MTRF1: variants seen among roughly 807,000 people sequenced by gnomAD.
MTRF1 encodes peptide chain release factor 1, mitochondrial.
A neutral mutation model predicts 62.9 loss-of-function variants in MTRF1; 51 were observed. The ratio of observed to expected loss-of-function variants is 0.81; its 90% CI spans 0.65 to 1.02. The LOEUF (loss-of-function observed/expected upper bound fraction) is 1.02. MTRF1 is among the 50% of genes least tolerant of loss of function. The pLI, the probability that MTRF1 is intolerant of heterozygous loss-of-function variation, is 0.00. For synonymous variants in MTRF1, 158 were observed against 181.9 expected, an observed-to-expected ratio of 0.87 and a Z score of 1.06; for missense variants, 446 against 530.0, an observed-to-expected ratio of 0.84 and a Z score of 1.56.
intron 8 of MTRF1, among the ~76,000 whole-genome samples, chr13:41,224,441 T>A (rs1484877755): frequency 6.6e-6 from 1 of 152,248 alleles, no homozygotes; most frequent in Admixed American, 6.5e-5. Context: ...AGGCAAGTGA[T>A]ATGAAACTAA....
At chr13:41,263,064 C>T (rs1211898170) in intron 1 of MTRF1, among the ~76,000 whole-genome samples, 2 of 152,150 alleles carry the variant, frequency 1.3e-5, no homozygotes, top group Non-Finnish European at 2.9e-5. Flanking sequence ...TTACACTCCA[C>T]CACCCCCGTA....
the MTRF1 span, among the ~76,000 whole-genome samples, chr13:41,295,702 T>C: frequency 6.6e-6 from 1 of 152,238 alleles, no homozygotes. Flanking sequence ...TGAAGTTTTA[T>C]GATTATCACT....
intron 6 of MTRF1, chr13:41,235,854 C>CACACAT (rs140261878): frequency 2.6e-5 from 4 of 152,828 alleles, no homozygotes; most frequent in Non-Finnish European, 5.8e-5. Flanking sequence ...CACACACACA[C>CACACAT]AGAAACACAC....
intron 3 of MTRF1, 108 bp from the exon 4 acceptor site, chr13:41,253,138 A>T (rs926191652): frequency 1.3e-6 from 1 of 784,586 alleles, no homozygotes; most frequent in Admixed American, 3.2e-5. Flanking sequence ...GCAAAATCAT[A>T]TAGTATCCCA....
the MTRF1 span, chr13:41,311,362 C>A: frequency 1.6e-6 from 1 of 631,186 alleles, no homozygotes; most frequent in Non-Finnish European, 2.8e-6. Flanking sequence ...CCATTGCCAC[C>A]CGTGCCGAAC....
chr13:41,227,910 C>T (rs1270983571), intron 7 of MTRF1, among the ~76,000 whole-genome samples: 1 of 152,236 alleles, frequency 6.6e-6, no homozygotes, highest in Admixed American at 6.5e-5. Context: ...GGACTGGGGG[C>T]ACTGGCTGGC....
chr13:41,283,123 G>A, the MTRF1 span, among the ~76,000 whole-genome samples: 1 of 152,188 alleles, frequency 6.6e-6, no homozygotes, highest in Non-Finnish European at 1.5e-5. Flanking sequence ...AGTCATTTGA[G>A]AGCTGTTCAT....
At chr13:41,273,448 G>GTGTCAC in the MTRF1 span, among the ~76,000 whole-genome samples, 2 of 152,154 alleles carry the variant, frequency 1.3e-5, no homozygotes, top group Non-Finnish European at 2.9e-5. Flanking sequence ...TGCCAAGATT[G>GTGTCAC]AGGACACGCA....
chr13:41,269,199 GTT>G, the MTRF1 span, among the ~76,000 whole-genome samples: 1 of 68,702 alleles, frequency 1.5e-5, no homozygotes, highest in Admixed American at 1.8e-4. Context: ...TTTTTTTTTG[GTT>G]TTTTTTTTTT....
At chr13:41,300,498 A>T in the MTRF1 span, among the ~76,000 whole-genome samples, 1 of 151,686 alleles carries the variant, frequency 6.6e-6, no homozygotes, top group Non-Finnish European at 1.5e-5. Context: ...AGGCAGGAGA[A>T]TGGCCTAAAC....
the MTRF1 span, among the ~76,000 whole-genome samples, chr13:41,282,904 T>G: frequency 6.6e-6 from 1 of 152,242 alleles, no homozygotes; most frequent in Non-Finnish European, 1.5e-5. Flanking sequence ...GCCAGGTCAT[T>G]GGCGACTGCC....
At chr13:41,236,639 A>G (rs1473533607) in intron 6 of MTRF1, 1 of 152,202 alleles carries the variant, frequency 6.6e-6, no homozygotes, top group African/African-American at 2.4e-5. Context: ...TTTTGTTAAT[A>G]TATGTTAGAG....
chr13:41,301,007 G>A, the MTRF1 span, among the ~76,000 whole-genome samples: 1 of 152,016 alleles, frequency 6.6e-6, no homozygotes, highest in Non-Finnish European at 1.5e-5. Context: ...TTTTTCTCAT[G>A]GATAATAGTA....
rs747953581 is a variant in MTRF1 at position 41,233,897 on chromosome 13, G to C, written c.981C>G (p.Ile327Met). Reference protein sequence around the residue: ...KTDSAVRLVHIPTGLVVECQQ... With the variant: ...KTDSAVRLVHMPTGLVVECQQ... ...GCCAAGGGGCTTGCTTACCTGTGGG[G>C]ATGTGGACAAGTCTGACGGCACTAT... The change falls in exon 7 of 10, where the codon ATC becomes ATG. Residue 327 changes from isoleucine to methionine, a missense_variant. Coordinates refer to ENST00000379480, the MANE Select transcript of MTRF1 (RefSeq NM_004294.4). 1.9e-6 allele frequency: 3 copies of C among 1,611,700 alleles called. No homozygotes were observed. In the South Asian group the frequency reaches 3.3e-5, roughly 18 times the overall value.
intron 9 of MTRF1, among the ~76,000 whole-genome samples, chr13:41,221,410 G>A (rs1248046243): frequency 3.3e-5 from 5 of 151,848 alleles, no homozygotes; most frequent in Admixed American, 6.6e-5. Flanking sequence ...TGCCCACCTC[G>A]GCCTCCCAAA....
At chr13:41,270,679 T>TA in the MTRF1 span, among the ~76,000 whole-genome samples, 2 of 152,176 alleles carry the variant, frequency 1.3e-5, no homozygotes, top group South Asian at 2.1e-4. Context: ...AAAATGAATG[T>TA]AATTGCTAAT....
upstream of MTRF1, among the ~76,000 whole-genome samples, chr13:41,263,910 C>A (rs1300069859): frequency 6.6e-6 from 1 of 152,164 alleles, no homozygotes; most frequent in Non-Finnish European, 1.5e-5. Context: ...CAGCCTCCAA[C>A]CCCCTCCACT....
chr13:41,258,570 A>AC (rs2040013420), intron 2 of MTRF1, among the ~76,000 whole-genome samples: 2 of 83,368 alleles, frequency 2.4e-5, no homozygotes, highest in African/African-American at 9.5e-5. Context: ...TCTTAAAAAA[A>AC]AAAACAAAAA....
chr13:41,250,723 C>T (rs1029203221), intron 5 of MTRF1, among the ~76,000 whole-genome samples: 7 of 152,108 alleles, frequency 4.6e-5, no homozygotes, highest in Non-Finnish European at 1.0e-4. Flanking sequence ...CGAACTGTCT[C>T]CCGAAGTGCT....
Sources: gnomAD v4.1 joint callset for allele counts (sites outside exome capture counted in the v4.1 genomes callset) on GRCh38, gnomAD v4.1.1 for gene constraint, MANE v1.5 for transcripts, NCBI Gene and HGNC (gene_info 2026-07-23, HGNC 2026-07-21) for gene names.